Variants in RPAP3 observed in about 807,000 individuals in gnomAD.
The protein encoded by RPAP3 is RNA polymerase II associated protein 3, also known as RNA polymerase II-associated protein 3.
A neutral mutation model predicts 88.8 loss-of-function variants in RPAP3; 58 were observed. The observed-to-expected ratio is 0.65, with a 90% CI of 0.53 to 0.81. The LOEUF is 0.81. RPAP3 is among the 40% of genes least tolerant of loss of function. The probability of loss-of-function intolerance (pLI) is 0.00; values close to 1 mark genes in which losing one functional copy is unlikely to be tolerated. For synonymous variants in RPAP3, 255 were observed against 259.9 expected (o/e 0.98, Z 0.18); for missense variants, 751 against 764.3 (o/e 0.98, Z 0.20).
At chr12:47,697,765 GA>G (rs147666652) in intron 3 of RPAP3, 46 bp from the exon 4 acceptor site, 36,052 of 1,486,896 alleles carry the variant, frequency 0.024, 906 homozygotes, top group East Asian at 0.14. Context: ...ATATGATTAG[GA>G]AAAAAAAGAA....
intron 12 of RPAP3, among the ~76,000 whole-genome samples, chr12:47,678,077 G>C (rs1467149108): frequency 2.0e-5 from 3 of 152,128 alleles, no homozygotes; most frequent in East Asian, 1.9e-4. Flanking sequence ...CAGAACAGAG[G>C]CCTCAGAAAT....
At chr12:47,692,327 T>C (rs992238337) in intron 5 of RPAP3, among the ~76,000 whole-genome samples, 3 of 152,256 alleles carry the variant, frequency 2.0e-5, no homozygotes, top group African/African-American at 7.2e-5. Context: ...TGAAAATGTG[T>C]GTGTTGTTTA....
Position 47,696,198 on chromosome 12 carries a change from T to A in RPAP3, c.545+78A>T, listed in dbSNP as rs1939522123. The A allele has an allele frequency of 3.2e-6, 4 of 1,240,930 alleles. No individual in the cohort carries two copies. In the South Asian group the frequency reaches 9.6e-5, roughly 30 times the overall value. 76.9% of individuals were successfully genotyped at this position (1,240,930 alleles called of 1,614,324 possible). On this transcript the variant is annotated intron_variant, in intron 5 of 16. Transcript: ENST00000005386. The stretch of plus-strand genomic sequence containing the variant: ...CATTTTCAATCTGTCCTCCACACTT[T>A]ATTCCACACTTTTTTTTAATAAGTC...
In RPAP3 at chr12:47,679,655, T is replaced by C. The variant is rs796466084; in HGVS notation, c.1185+49A>G. On this transcript the variant is annotated intron_variant, in intron 11 of 16. Coordinates refer to ENST00000005386, the MANE Select transcript of RPAP3 (RefSeq NM_024604.3). ...ATTTATTATACAACAAATAAATATA[T>C]TTATGTTTCAGAAAATATGACCATG... 6 of 1,532,204 alleles carry C rather than the reference T, an allele frequency of 3.9e-6. No individual in the cohort carries two copies. In the African/African-American group the frequency reaches 8.2e-5, roughly 21 times the overall value. The allele number at this position is 1,532,204 out of a possible 1,614,324, so 94.9% of individuals were successfully genotyped here. A position where few individuals can be genotyped will look rare whatever the true frequency, so the allele number is the denominator to read the frequency against.
At chr12:47,689,603 T>G (rs1939389042) in intron 6 of RPAP3, among the ~76,000 whole-genome samples, 4 of 152,064 alleles carry the variant, frequency 2.6e-5, no homozygotes, top group Non-Finnish European at 5.9e-5. Flanking sequence ...CCTCCCAGAG[T>G]GCTAGGACTA....
In RPAP3 at chr12:47,662,833, T is replaced by A. The variant is rs1239026014; in HGVS notation, c.*672A>T. ...TATGGGCTATATGCTAATTAGTACT[T>A]TAAACATTACTAATTTTTACATTTT... On this transcript the variant is annotated 3_prime_UTR_variant, in exon 17 of 17. Transcript: ENST00000005386. 6.6e-6 allele frequency: 1 copy of A among 152,224 alleles called. No homozygotes were observed. The highest frequency in any genetic ancestry group is 1.5e-5 in the Non-Finnish European group (1 of 68,056). 9.4% of individuals were successfully genotyped at this position (152,224 alleles called of 1,614,324 possible).
At chr12:47,705,328 T>C (rs1939766585) in intron 1 of RPAP3, among the ~76,000 whole-genome samples, 1 of 152,168 alleles carries the variant, frequency 6.6e-6, no homozygotes, top group Admixed American at 6.5e-5. Context: ...TAAATTAGGT[T>C]TAAGCTTCTT....
In RPAP3 at chr12:47,667,078, T is replaced by C. The variant is rs1479466540; in HGVS notation, c.1814A>G (p.Lys605Arg). Residue 605 changes from lysine to arginine, a missense_variant and splice_region_variant, in exon 16 of 17, where the codon AAA (lysine) becomes AGA (arginine). By Grantham distance (26) the Lys-to-Arg change is conservative. Coordinates refer to ENST00000005386, the MANE Select transcript of RPAP3 (RefSeq NM_024604.3). ...TTCAAAGATGAGTAATGGCTTTTCT[T>C]TCCTGAAATAATCCAAATATAGAAA... ...VKILHDFYIE[K>R]EKPLLIFEIL... 2 of 1,396,232 alleles carry C rather than the reference T, an allele frequency of 1.4e-6. No homozygotes were observed. The highest frequency in any genetic ancestry group is 1.9e-6 in the Non-Finnish European group (2 of 1,047,238). The allele number at this position is 1,396,232 out of a possible 1,614,324, so 86.5% of individuals were successfully genotyped here.
chr12:47,682,535 T>C (rs970459904), intron 9 of RPAP3, among the ~76,000 whole-genome samples: 1 of 152,188 alleles, frequency 6.6e-6, no homozygotes, highest in African/African-American at 2.4e-5. Context: ...CGTCATAATG[T>C]TTATGATTTG....
chr12:47,664,180 G>C (rs1938816981), intron 16 of RPAP3, among the ~76,000 whole-genome samples: 1 of 152,172 alleles, frequency 6.6e-6, no homozygotes, highest in Admixed American at 6.5e-5. Flanking sequence ...ATGAGGTCAG[G>C]AGATCGAGAC....
chr12:47,665,512 G>A (rs1362733585), intron 16 of RPAP3, among the ~76,000 whole-genome samples: 1 of 151,394 alleles, frequency 6.6e-6, no homozygotes, highest in East Asian at 1.9e-4. Context: ...ACAGTAATAA[G>A]AAACAGTAAC....
In RPAP3 at chr12:47,670,270, C is replaced by T; in HGVS notation, c.1363G>A (p.Ala455Thr). Residue 455 changes from alanine (A) to threonine (T), a missense_variant, in exon 13 of 17, where the codon GCT becomes ACT. By Grantham distance (58) the Ala-to-Thr change is moderately conservative (BLOSUM62 0). Coordinates refer to ENST00000005386, the MANE Select transcript of RPAP3 (RefSeq NM_024604.3). Reference protein sequence around the residue: ...QTIDVPDSTTAAAPENNPINL... With the variant: ...QTIDVPDSTTTAAPENNPINL... ...ATAGGATTATTCTCTGGAGCAGCAG[C>T]AGTAGTGCTATCTGGCACATCAATA... 6.2e-7 allele frequency: 1 copy of T among 1,613,446 alleles called. No homozygotes were observed. Among genetic ancestry groups the T allele is most frequent in the Non-Finnish European group, 8.5e-7 (1 of 1,179,542 alleles).
At chr12:47,687,849 T>C (rs1343912321) in intron 8 of RPAP3, 27 bp downstream of exon 8, 5 of 1,606,624 alleles carry the variant, frequency 3.1e-6, no homozygotes, top group East Asian at 2.3e-5. Flanking sequence ...AACATATACA[T>C]TGTACGTTGG....
At chr12:47,704,154 T>C (rs1354452119) in intron 1 of RPAP3, among the ~76,000 whole-genome samples, 1 of 152,062 alleles carries the variant, frequency 6.6e-6, no homozygotes, top group Non-Finnish European at 1.5e-5. Context: ...TTGTGACAAC[T>C]GGGGAATGGG....
chr12:47,668,391 CAA>C (rs1180560095), intron 14 of RPAP3, among the ~76,000 whole-genome samples: 4 of 151,988 alleles, frequency 2.6e-5, no homozygotes, highest in Non-Finnish European at 5.9e-5. Context: ...TAAAGGCTCT[CAA>C]AGAGCAATAA....
At position 47,697,093 on chromosome 12, in the gene RPAP3, T is replaced by C. The variant is rs542402605; in HGVS notation, c.417+504A>G. On this transcript the variant is annotated intron_variant, in intron 4 of 16. Transcript: ENST00000005386. ...GTTTAATCTGAAAAGAGTTCCACCT[T>C]TGTGAAAGTAATATAGCTGGTTTTA... 3.9e-5 allele frequency among the ~76,000 whole-genome samples: 6 copies of C among 152,330 alleles called. No homozygotes were observed. In the South Asian group the frequency reaches 1.2e-3, roughly 32 times the overall value.
At chr12:47,667,532 A>G (rs1272798980) in intron 15 of RPAP3, among the ~76,000 whole-genome samples, 2 of 152,202 alleles carry the variant, frequency 1.3e-5, no homozygotes, top group African/African-American at 4.8e-5. Context: ...TCATAAGAGT[A>G]CAGTAAATTC....
chr12:47,667,580 C>T (rs1197233136), intron 15 of RPAP3, among the ~76,000 whole-genome samples, 174 bp downstream of exon 15: 2 of 152,072 alleles, frequency 1.3e-5, no homozygotes, highest in Non-Finnish European at 2.9e-5. Flanking sequence ...AAAACTGTGA[C>T]TTTATGTAAA....
intron 9 of RPAP3, among the ~76,000 whole-genome samples, 157 bp from the exon 10 acceptor site, chr12:47,681,974 T>C (rs1176450189): frequency 6.6e-6 from 1 of 152,188 alleles, no homozygotes; most frequent in Non-Finnish European, 1.5e-5. Flanking sequence ...AATTTTTTAT[T>C]CTCACCAAAT....
Sources: gnomAD v4.1 joint callset for allele counts (sites outside exome capture counted in the v4.1 genomes callset) on GRCh38, gnomAD v4.1.1 for gene constraint, MANE v1.5 for transcripts, NCBI Gene and HGNC (gene_info 2026-07-23, HGNC 2026-07-21) for gene names.